The following PARD3B variants were observed in gnomAD, a reference collection of about 807,000 sequenced individuals.
PARD3B encodes the protein par-3 family cell polarity regulator beta.
Under a neutral mutation model 130.2 loss-of-function variants are expected in PARD3B, and 103 were observed. The observed-to-expected ratio is 0.79, with a 90% confidence interval of 0.67 to 0.93. PARD3B has a LOEUF of 0.93. PARD3B is among the 40% of genes least tolerant of loss of function. The pLI, the probability that PARD3B is intolerant of heterozygous loss-of-function variation, is 0.00. For synonymous variants in PARD3B, 583 were observed against 553.2 expected (o/e 1.05, Z -0.76); for missense variants, 1,609 against 1,499.2 (o/e 1.07, Z -1.21).
At chr2:205,198,437 G>A (rs923382059) in intron 15 of PARD3B, among the ~76,000 whole-genome samples, 2 of 152,172 alleles carry the variant, frequency 1.3e-5, no homozygotes, top group Admixed American at 6.5e-5. Flanking sequence ...AAATCAAGAC[G>A]ATAAATAGGT....
chr2:205,000,904 CTGTTT>C (rs755412366), intron 3 of PARD3B, among the ~76,000 whole-genome samples: 2 of 152,072 alleles, frequency 1.3e-5, no homozygotes, highest in African/African-American at 4.8e-5. Flanking sequence ...TGGTTTGTTT[CTGTTT>C]TGTTTTGTCT....
At chr2:204,825,988 G>A (rs2043556026) in intron 2 of PARD3B, among the ~76,000 whole-genome samples, 1 of 152,118 alleles carries the variant, frequency 6.6e-6, no homozygotes, top group African/African-American at 2.4e-5. Flanking sequence ...CTCCTTCGTA[G>A]ACTCACTCCC....
Position 205,585,790 on chromosome 2 carries a change from G to A in PARD3B, c.3261-29666G>A, listed in dbSNP as rs1473814402. ...ACATTTCAGGAAGGGCTTTGAACTG[G>A]ATTTCGGTAGCTTTGTGGGCTCTTG... On this transcript the variant is annotated intron_variant, in intron 22 of 22. Transcript: ENST00000406610. This position sits in a 1 kb window ranked among gnomAD's most constrained non-coding sequence, Gnocchi z 5.4. 6.6e-6 allele frequency among the ~76,000 whole-genome samples: 1 copy of A among 152,172 alleles called. No homozygotes were observed. Among genetic ancestry groups the A allele is most frequent in the Non-Finnish European group, 1.5e-5 (1 of 68,044 alleles).
rs1231435695 is a variant in PARD3B, at chr2:205,202,315, G to A, written c.2140+8995G>A. 7.2e-5 allele frequency among the ~76,000 whole-genome samples: 11 copies of A among 152,182 alleles called. No homozygotes were observed. In the East Asian group the frequency reaches 2.1e-3, roughly 29 times the overall value. On this transcript the variant is annotated intron_variant, in intron 15 of 22. Transcript: ENST00000406610. ...AACCATTTGAGTTGGAAGCAAAGGT[G>A]TAAAAATGGTTCTCTATGTCAAGGA...
chr2:204,928,465 T>G (rs565161636), intron 2 of PARD3B, among the ~76,000 whole-genome samples: 1 of 152,268 alleles, frequency 6.6e-6, no homozygotes. Flanking sequence ...ATTGGGGCCA[T>G]TTTAAACATC....
At chr2:205,323,762 A>C (rs960788948) in intron 18 of PARD3B, among the ~76,000 whole-genome samples, 1 of 152,192 alleles carries the variant, frequency 6.6e-6, no homozygotes, top group African/African-American at 2.4e-5. Flanking sequence ...AACACCTTTC[A>C]TGTCTCAGGG....
intron 4 of PARD3B, among the ~76,000 whole-genome samples, chr2:205,101,135 T>A (rs941968666): frequency 9.9e-5 from 15 of 152,062 alleles, no homozygotes; most frequent in Admixed American, 9.8e-4. Flanking sequence ...TCTCTACAGG[T>A]CAATAATAAA....
chr2:205,455,465 T>C (rs1478547182), intron 20 of PARD3B, among the ~76,000 whole-genome samples: 1 of 149,862 alleles, frequency 6.7e-6, no homozygotes, highest in African/African-American at 2.5e-5. Flanking sequence ...GTCATTAAGA[T>C]TGCGATTCAT....
chr2:204,754,375 GA>G (rs2125394770), intron 2 of PARD3B, among the ~76,000 whole-genome samples: 1 of 152,254 alleles, frequency 6.6e-6, no homozygotes, highest in Non-Finnish European at 1.5e-5. Flanking sequence ...GAGGGAACTC[GA>G]AAGGCAGTCT....
At position 204,939,490 on chromosome 2, in the gene PARD3B, G is replaced by A. The variant is rs554950105; in HGVS notation, c.223-25662G>A. ...CAGAAGGCTTTTTATTCATGTCTGT[G>A]CTTCAATAAATCAAGGAATAACAGA... On this transcript the variant is annotated intron_variant, in intron 2 of 22. Coordinates refer to ENST00000406610, the MANE Select transcript of PARD3B (RefSeq NM_001302769.2). Among the ~76,000 whole-genome samples the A allele has an allele frequency of 3.3e-5, 5 of 152,290 alleles. No homozygotes were observed. In the South Asian group the frequency reaches 1.0e-3, roughly 32 times the overall value.
At chr2:204,811,034 C>G (rs1428813628) in intron 2 of PARD3B, among the ~76,000 whole-genome samples, 1 of 152,032 alleles carries the variant, frequency 6.6e-6, no homozygotes, top group Non-Finnish European at 1.5e-5. Flanking sequence ...TTTGTTCAGT[C>G]TTGGAAGAGT....
chr2:205,300,982 C>A lies in PARD3B; in HGVS notation c.2392+246C>A, dbSNP rs2041976360. Among the ~76,000 whole-genome samples, 1 of 152,212 alleles carries A rather than the reference C, an allele frequency of 6.6e-6. No homozygotes were observed. The highest frequency in any genetic ancestry group is 1.5e-5 in the Non-Finnish European group (1 of 68,042). On this transcript the variant is annotated intron_variant, in intron 17 of 22. Coordinates refer to ENST00000406610, the MANE Select transcript of PARD3B (RefSeq NM_001302769.2). This position sits in a 1 kb window ranked among gnomAD's most constrained non-coding sequence, Gnocchi z 4.1. ...ATAAATGTTCTCCTTCACTTTTCTA[C>A]AAGGACCAACTGTCATTTACCCTTA...
At chr2:205,231,835 G>A (rs2038852875) in intron 15 of PARD3B, among the ~76,000 whole-genome samples, 1 of 152,168 alleles carries the variant, frequency 6.6e-6, no homozygotes, top group South Asian at 2.1e-4. Context: ...TATAGTTGGA[G>A]GGTTTTCCTT....
chr2:204,963,503 G>A (rs565309534), intron 2 of PARD3B, among the ~76,000 whole-genome samples: 3 of 152,086 alleles, frequency 2.0e-5, no homozygotes, highest in Non-Finnish European at 4.4e-5. Flanking sequence ...TGATTGGTAT[G>A]TTAAATGTTA....
chr2:204,559,840 A>G (rs2031193590), intron 1 of PARD3B, among the ~76,000 whole-genome samples: 1 of 152,242 alleles, frequency 6.6e-6, no homozygotes, highest in African/African-American at 2.4e-5. Context: ...CATATATACC[A>G]TGGAATACTA....
intron 4 of PARD3B, among the ~76,000 whole-genome samples, chr2:205,052,452 A>ATAT (rs1443249681): frequency 0.04 from 821 of 20,490 alleles, 34 homozygotes; most frequent in Non-Finnish European, 0.045. Context: ...TATATATATA[A>ATAT]AATTAAAAAA....
In PARD3B at chr2:205,615,649, A is replaced by C. The variant is rs559850700; in HGVS notation, c.3454A>C (p.Lys1152Gln). ...CCCACCCCCGCCAGCTCCCCAGCAC[A>C]AAGGACCCTTTCGACAAGACGTTCC... ...HYPPPPAPQH[K>Q]GPFRQDVPPS... The change falls in exon 23 of 23, where the codon AAA (lysine) becomes CAA (glutamine). Residue 1152 changes from lysine (K) to glutamine (Q), a missense_variant. By Grantham distance (53) the Lys-to-Gln change is moderately conservative. Transcript: ENST00000406610. The C allele has an allele frequency of 1.2e-6, 2 of 1,613,758 alleles. No individual in the cohort carries two copies. Among genetic ancestry groups the C allele is most frequent in the East Asian group, 2.2e-5 (1 of 44,830 alleles).
At chr2:205,379,325 T>C (rs999972070) in intron 18 of PARD3B, among the ~76,000 whole-genome samples, 1 of 152,122 alleles carries the variant, frequency 6.6e-6, no homozygotes, top group Non-Finnish European at 1.5e-5. Context: ...GTCCCTCCTC[T>C]CTGAGTTTCA....
intron 2 of PARD3B, among the ~76,000 whole-genome samples, chr2:204,785,243 C>T (rs1440940391): frequency 6.6e-6 from 1 of 152,166 alleles, no homozygotes; most frequent in Non-Finnish European, 1.5e-5. Context: ...ATGCTCCTTT[C>T]ATCATTGAAA....
Sources: gnomAD v4.1 joint callset for allele counts (sites outside exome capture counted in the v4.1 genomes callset) on GRCh38, gnomAD v4.1.1 for gene constraint, Gnocchi (gnomAD v3.1) non-coding constraint, MANE v1.5 for transcripts, NCBI Gene and HGNC (gene_info 2026-07-23, HGNC 2026-07-21) for gene names.